Variants in GPC6 observed in about 807,000 individuals in gnomAD.
GPC6 encodes glypican-6.
A neutral mutation model predicts 55.2 loss-of-function variants in GPC6; 14 were observed. That is an observed-to-expected ratio of 0.25 (90% CI 0.17 to 0.40). GPC6 has a LOEUF of 0.40. Ranked by LOEUF, GPC6 falls within the 10% of genes least tolerant of loss-of-function variation. The pLI is 1.00. For synonymous variants in GPC6, 278 were observed against 259.6 expected, an observed-to-expected ratio of 1.07 and a Z score of -0.68; for missense variants, 641 against 708.5, an observed-to-expected ratio of 0.90 and a Z score of 1.08.
intron 3 of GPC6, among the ~76,000 whole-genome samples, chr13:94,012,065 T>A (rs954121849): frequency 6.6e-6 from 1 of 152,316 alleles, no homozygotes; most frequent in East Asian, 1.9e-4. Flanking sequence ...TCCTTTGATT[T>A]TATTATTCTT....
intron 3 of GPC6, among the ~76,000 whole-genome samples, chr13:93,968,512 T>G (rs1880146266): frequency 6.6e-6 from 1 of 152,152 alleles, no homozygotes; most frequent in Non-Finnish European, 1.5e-5. Context: ...AAGACAATAT[T>G]CAGAGTGTGC....
chr13:93,508,319 G>A (rs1880813733), intron 1 of GPC6, among the ~76,000 whole-genome samples: 1 of 152,174 alleles, frequency 6.6e-6, no homozygotes, highest in East Asian at 1.9e-4. Context: ...GAAATGGAAA[G>A]CAAGTCACCA....
intron 4 of GPC6, among the ~76,000 whole-genome samples, chr13:94,114,148 T>A (rs1255285146): frequency 1.4e-5 from 2 of 146,468 alleles, no homozygotes; most frequent in African/African-American, 5.1e-5. Flanking sequence ...CTTATTCCCA[T>A]TTTCTAAATT....
At chr13:93,790,861 G>A (rs959364456) in intron 2 of GPC6, among the ~76,000 whole-genome samples, 2 of 152,076 alleles carry the variant, frequency 1.3e-5, no homozygotes, top group Admixed American at 6.5e-5. Flanking sequence ...ATTAGAGCTC[G>A]GCCTTAAAAG....
chr13:93,726,955 G>C (rs1208186076), intron 2 of GPC6, among the ~76,000 whole-genome samples: 4 of 152,028 alleles, frequency 2.6e-5, no homozygotes, highest in Non-Finnish European at 5.9e-5. Context: ...GAAAAGTCTT[G>C]TTTGCAAAAT....
chr13:94,344,343 T>C (rs1403910005), intron 6 of GPC6, among the ~76,000 whole-genome samples: 2 of 152,178 alleles, frequency 1.3e-5, no homozygotes, highest in African/African-American at 4.8e-5. Context: ...GAATTAACAA[T>C]GAATTAGGAA....
At chr13:93,809,148 A>G (rs1886625013) in intron 2 of GPC6, among the ~76,000 whole-genome samples, 2 of 152,154 alleles carry the variant, frequency 1.3e-5, no homozygotes, top group Admixed American at 1.3e-4. Flanking sequence ...TACCTGGCAA[A>G]TACGCCTCTC....
At position 93,893,059 on chromosome 13, in the gene GPC6, A is replaced by T. The variant is rs960230328; in HGVS notation, c.711+62514A>T. Among the ~76,000 whole-genome samples the T allele has an allele frequency of 4.3e-4, 61 of 142,104 alleles. 1 individual carries two copies. Among genetic ancestry groups the T allele is most frequent in the African/African-American group, 1.4e-3 (54 of 38,328 alleles). The allele number at this position is 142,104 out of a possible 152,430, so 93.2% of individuals were successfully genotyped here. A position where few individuals can be genotyped will look rare whatever the true frequency, so the allele number is the denominator to read the frequency against. On this transcript the variant is annotated intron_variant, in intron 3 of 8. Coordinates refer to ENST00000377047, the MANE Select transcript of GPC6 (RefSeq NM_005708.5). ...AATTTTTGCCAGTAATAACCATTAA[A>T]TTTTTTTTTTTTTTTTTGAGATGGA...
chr13:94,089,941 A>G (rs564465384), intron 4 of GPC6, among the ~76,000 whole-genome samples: 13 of 152,310 alleles, frequency 8.5e-5, no homozygotes, highest in Non-Finnish European at 1.8e-4. Flanking sequence ...ACCAGCACCC[A>G]TAACCATATA....
chr13:94,251,375 G>T (rs765206669), intron 4 of GPC6, among the ~76,000 whole-genome samples: 1 of 151,710 alleles, frequency 6.6e-6, no homozygotes, highest in Non-Finnish European at 1.5e-5. Flanking sequence ...CCTAGATGAC[G>T]GGTTGATAGG....
chr13:93,831,283 C>T lies in GPC6; in HGVS notation c.711+738C>T, dbSNP rs753149876. 2.0e-5 allele frequency among the ~76,000 whole-genome samples: 3 copies of T among 152,200 alleles called. No homozygotes were observed. The East Asian group carries it at 5.8e-4, about 29-fold the overall frequency. ...ATAATTCTACATTCCACTACTTAAACATTGAATATTTCCTGTGTAGAGGAT... is the reference window on the plus strand; with the variant it reads ...ATAATTCTACATTCCACTACTTAAATATTGAATATTTCCTGTGTAGAGGAT... On this transcript the variant is annotated intron_variant, in intron 3 of 8. Transcript: ENST00000377047.
intron 1 of GPC6, among the ~76,000 whole-genome samples, chr13:93,398,926 T>C (rs1440804774): frequency 6.6e-6 from 1 of 152,190 alleles, no homozygotes; most frequent in Admixed American, 6.5e-5. Flanking sequence ...CTAATGGTAT[T>C]CCATGATGCC....
chr13:93,862,983 G>A (rs1256706773), intron 3 of GPC6, among the ~76,000 whole-genome samples: 3 of 151,560 alleles, frequency 2.0e-5, no homozygotes, highest in Non-Finnish European at 3.0e-5. Context: ...ATGAATCCTC[G>A]CATGTTGTGT....
chr13:93,519,789 A>T (rs1881338209), intron 1 of GPC6, among the ~76,000 whole-genome samples: 1 of 151,992 alleles, frequency 6.6e-6, no homozygotes, highest in Non-Finnish European at 1.5e-5. Context: ...TCTAAAAGTT[A>T]TATTTCTAAG....
chr13:93,334,862 G>C (rs953968563), intron 1 of GPC6, among the ~76,000 whole-genome samples: 2 of 152,116 alleles, frequency 1.3e-5, no homozygotes, highest in African/African-American at 4.8e-5. Context: ...TTTTGTAAAA[G>C]ACTTGCACAG....
intron 1 of GPC6, among the ~76,000 whole-genome samples, chr13:93,503,678 TGGGG>T (rs1405257754): frequency 6.6e-6 from 1 of 152,012 alleles, no homozygotes; most frequent in South Asian, 2.1e-4. Flanking sequence ...TCTTATGTGG[TGGGG>T]GGACTAGATG....
intron 1 of GPC6, among the ~76,000 whole-genome samples, chr13:93,304,229 T>C (rs1003913848): frequency 6.6e-6 from 1 of 152,132 alleles, no homozygotes; most frequent in African/African-American, 2.4e-5. Context: ...GAGGTGTTTG[T>C]TGGGATTTTG....
chr13:94,254,129 T>C (rs2139041466), intron 4 of GPC6, among the ~76,000 whole-genome samples: 1 of 152,242 alleles, frequency 6.6e-6, no homozygotes, highest in East Asian at 1.9e-4. Context: ...TGGCCCTGGA[T>C]TAAAATGATT....
At chr13:93,755,207 A>G (rs1884728499) in intron 2 of GPC6, among the ~76,000 whole-genome samples, 1 of 152,174 alleles carries the variant, frequency 6.6e-6, no homozygotes, top group African/African-American at 2.4e-5. Flanking sequence ...ACCACAATGT[A>G]GAAGATCTGG....
Sources: gnomAD v4.1 joint callset for allele counts (sites outside exome capture counted in the v4.1 genomes callset) on GRCh38, gnomAD v4.1.1 for gene constraint, MANE v1.5 for transcripts, NCBI Gene and HGNC (gene_info 2026-07-23, HGNC 2026-07-21) for gene names.